The following MCPH1 variants were observed in gnomAD, a reference collection of about 807,000 sequenced individuals.
MCPH1 encodes the protein microcephalin.
A neutral mutation model predicts 84.5 loss-of-function variants in MCPH1; 104 were observed. The ratio of observed to expected loss-of-function variants is 1.23; its 90% CI spans 1.05 to 1.45. MCPH1 has a LOEUF of 1.45. Among genes scored for constraint, MCPH1 ranks in the 40% most tolerant of loss-of-function variants. MCPH1 has a pLI of 0.00. For missense variants in MCPH1, 1,498 were observed against 1,005.7 expected, an observed-to-expected ratio of 1.49 and a Z score of -6.62; for synonymous variants, 514 against 366.8, an observed-to-expected ratio of 1.40 and a Z score of -4.58.
rs530217272 is a variant in MCPH1 at position 6,447,257 on chromosome 8, A to G, written c.1825+1710A>G. ...GTGAACCAACTCTCTTTGGGAATCT[A>G]TCTTAGAAGATGAAACCATAAAGCC... On this transcript the variant is annotated intron_variant, in intron 8 of 13. Transcript: ENST00000344683. The G allele has an allele frequency of 1.8e-5, 18 of 985,420 alleles. No homozygotes were observed. In the East Asian group the frequency reaches 1.5e-3, roughly 81 times the overall value. 61.0% of individuals were successfully genotyped at this position (985,420 alleles called of 1,614,324 possible). A position where few individuals can be genotyped will look rare whatever the true frequency, so the allele number is the denominator to read the frequency against.
At chr8:6,630,689 G>A (rs1260659911) in intron 13 of MCPH1, among the ~76,000 whole-genome samples, 1 of 151,414 alleles carries the variant, frequency 6.6e-6, no homozygotes, top group African/African-American at 2.4e-5. Flanking sequence ...GCTGAGGCAG[G>A]AGAATCGCTT....
intron 12 of MCPH1, among the ~76,000 whole-genome samples, chr8:6,544,378 C>T (rs148993274): frequency 0.016 from 2,375 of 152,340 alleles, 34 homozygotes; most frequent in Non-Finnish European, 0.026. Flanking sequence ...AGACTGTGAA[C>T]TGCACATGGT....
At chr8:6,640,404 C>T (rs1283476035) in intron 13 of MCPH1, among the ~76,000 whole-genome samples, 5 of 151,848 alleles carry the variant, frequency 3.3e-5, no homozygotes, top group Admixed American at 1.3e-4. Flanking sequence ...TTGGGTGATC[C>T]GATTAGTTAA....
chr8:6,562,571 T>TTTTTTTTTTTTTTTTTTTTTTAAAAAG, intron 12 of MCPH1: 1 of 417,078 alleles, frequency 2.4e-6, no homozygotes, highest in Admixed American at 3.8e-5. Flanking sequence ...TTTTTTTTTT[T>TTTTTTTTTTTTTTTTTTTTTTAAAAAG]GGTTGTTAAA....
At chr8:6,531,044 A>T (rs1246123639) in intron 12 of MCPH1, among the ~76,000 whole-genome samples, 1 of 152,162 alleles carries the variant, frequency 6.6e-6, no homozygotes. Flanking sequence ...GAAGCCACTG[A>T]CTTCAGAAGC....
chr8:6,613,715 A>C (rs1412176203), intron 12 of MCPH1, among the ~76,000 whole-genome samples: 1 of 152,136 alleles, frequency 6.6e-6, no homozygotes, highest in Non-Finnish European at 1.5e-5. Flanking sequence ...AGACAGAGTC[A>C]TCAGGGCCGA....
At chr8:6,410,009 C>T (rs551365651) in intron 2 of MCPH1, among the ~76,000 whole-genome samples, 10 of 151,364 alleles carry the variant, frequency 6.6e-5, no homozygotes, top group East Asian at 3.9e-4. Flanking sequence ...CTCGCTCTGT[C>T]GCTAGGCTGG....
intron 12 of MCPH1, among the ~76,000 whole-genome samples, chr8:6,595,372 C>T (rs562240027): frequency 1.6e-4 from 25 of 152,262 alleles, no homozygotes; most frequent in African/African-American, 5.5e-4. Flanking sequence ...CTCGAGTCCA[C>T]AGCGCTAAAC....
chr8:6,449,124 T>C (rs988025524), intron 8 of MCPH1, among the ~76,000 whole-genome samples: 4 of 152,206 alleles, frequency 2.6e-5, no homozygotes, highest in Non-Finnish European at 2.9e-5. Flanking sequence ...CTTTTGAAAA[T>C]ATCTTTTCAC....
At chr8:6,518,836 C>T (rs1435285881) in intron 12 of MCPH1, among the ~76,000 whole-genome samples, 1 of 152,308 alleles carries the variant, frequency 6.6e-6, no homozygotes, top group East Asian at 1.9e-4. Context: ...CACTTCACCA[C>T]ACTGATTCTC....
chr8:6,480,602 G>T, intron 10 of MCPH1, 112 bp from the exon 11 acceptor site: 1 of 1,185,548 alleles, frequency 8.4e-7, no homozygotes, highest in South Asian at 1.2e-5. Flanking sequence ...ACCAAAATCA[G>T]TTTCAAATTT....
chr8:6,454,215 G>C (rs1167809971), intron 8 of MCPH1, among the ~76,000 whole-genome samples: 1 of 152,148 alleles, frequency 6.6e-6, no homozygotes, highest in East Asian at 1.9e-4. Flanking sequence ...ATTGGGTTGT[G>C]AGCTCCCTAA....
chr8:6,494,624 C>G (rs1031060928), intron 11 of MCPH1: 1 of 152,148 alleles, frequency 6.6e-6, no homozygotes. Flanking sequence ...GTTGAACACA[C>G]CGAGTGAAAG....
At chr8:6,583,197 T>C (rs1827697609) in intron 12 of MCPH1, among the ~76,000 whole-genome samples, 1 of 152,192 alleles carries the variant, frequency 6.6e-6, no homozygotes. Flanking sequence ...TTTTCTCTGC[T>C]TTATTTAATA....
In MCPH1 at chr8:6,473,848, G is replaced by A. The variant is rs566024916; in HGVS notation, c.1936-3746G>A. The A allele has an allele frequency of 2.6e-5, 37 of 1,445,556 alleles. No individual in the cohort carries two copies. The South Asian group carries it at 4.7e-4, about 19-fold the overall frequency. 89.5% of individuals were successfully genotyped at this position (1,445,556 alleles called of 1,614,324 possible). A position where few individuals can be genotyped will look rare whatever the true frequency, so the allele number is the denominator to read the frequency against. Reference sequence around the variant, plus strand: ...AAGTAGCTAGCCTTATAAGTCAAGAGTTATAATCTTTGATCCACTGCTCAA... The same window carrying A: ...AAGTAGCTAGCCTTATAAGTCAAGAATTATAATCTTTGATCCACTGCTCAA... On this transcript the variant is annotated intron_variant, in intron 9 of 13. Transcript: ENST00000344683.
chr8:6,626,776 G>T, intron 13 of MCPH1: 1 of 985,242 alleles, frequency 1.0e-6, no homozygotes, highest in Non-Finnish European at 1.2e-6. Context: ...CCCTGGCGCG[G>T]TCCTCAAGGG....
At chr8:6,534,346 A>G (rs1415883031) in intron 12 of MCPH1, among the ~76,000 whole-genome samples, 1 of 151,940 alleles carries the variant, frequency 6.6e-6, no homozygotes, top group African/African-American at 2.4e-5. Flanking sequence ...GGATGTGTAT[A>G]GGTTATATGC....
intron 12 of MCPH1, among the ~76,000 whole-genome samples, chr8:6,536,602 T>C (rs1820543797): frequency 6.6e-6 from 1 of 152,184 alleles, no homozygotes; most frequent in South Asian, 2.1e-4. Context: ...CTGTGTTTTC[T>C]TCCAAAGATT....
At chr8:6,642,805 T>C in intron 13 of MCPH1, 189 bp from the exon 14 acceptor site, 1 of 651,142 alleles carries the variant, frequency 1.5e-6, no homozygotes, top group Non-Finnish European at 2.8e-6. Context: ...GAATGTTTCA[T>C]TGTATTGAAT....
Sources: gnomAD v4.1 joint callset for allele counts (sites outside exome capture counted in the v4.1 genomes callset) on GRCh38, gnomAD v4.1.1 for gene constraint, MANE v1.5 for transcripts, NCBI Gene and HGNC (gene_info 2026-07-23, HGNC 2026-07-21) for gene names.